Variants in PUDP observed in about 807,000 individuals in gnomAD.
The protein encoded by PUDP is pseudouridine 5'-phosphatase, also known as pseudouridine-5'-phosphatase.
In PUDP, 8 loss-of-function variants were observed where a neutral mutation model predicts 9.4. The observed-to-expected ratio is 0.85, with a 90% confidence interval of 0.50 to 1.53. The LOEUF is 1.53. PUDP is among the 40% of genes most tolerant of loss of function. The pLI is 0.00. For missense variants in PUDP, 188 were observed against 189.7 expected (o/e 0.99, Z 0.05); for synonymous variants, 99 against 80.7 (o/e 1.23, Z -1.22).
intron 3 of PUDP, among the ~76,000 whole-genome samples, chrX:6,955,365 T>C (rs983195351): frequency 9.0e-6 from 1 of 110,726 alleles, no homozygotes; most frequent in Admixed American, 9.7e-5. Context: ...GGACTACAGG[T>C]GCATGCCACC....
At position 6,916,237 on chromosome X, in the gene PUDP, CA is replaced by C. The variant is rs1569122777; in HGVS notation, c.*247+60895del. On this transcript the variant is annotated intron_variant and NMD_transcript_variant, in intron 3 of 3. Coordinates refer to the PUDP transcript ENST00000655425. ...ACACACACACACACACACACACACA[CA>C]CACACACACACCCTGGGGAACTGGT... 5.9e-3 allele frequency among the ~76,000 whole-genome samples: 556 copies of C among 94,571 alleles called. 10 individuals carry two copies. The highest frequency in any genetic ancestry group is 0.023 in the African/African-American group (533 of 22,762). The allele number at this position is 94,571 out of a possible 115,157, so 82.1% of individuals were successfully genotyped here.
intron 1 of PUDP, among the ~76,000 whole-genome samples, chrX:7,032,087 CA>C (rs1166205342): frequency 5.4e-5 from 6 of 111,514 alleles, no homozygotes; most frequent in African/African-American, 2.0e-4. Context: ...AAAAAATGAG[CA>C]AATTATTTGG....
chrX:7,072,813 C>CAA (rs774767127), intron 3 of PUDP, among the ~76,000 whole-genome samples: 1,221 of 32,199 alleles, frequency 0.038, 47 homozygotes, highest in African/African-American at 0.065. Flanking sequence ...GACTGTGTCT[C>CAA]AAAAAAAAAA....
At chrX:6,936,862 G>C (rs1928310846) in intron 3 of PUDP, among the ~76,000 whole-genome samples, 1 of 97,791 alleles carries the variant, frequency 1.0e-5, no homozygotes, top group South Asian at 5.5e-4. Context: ...GCCAAATCAT[G>C]AGTGAACTCC....
chrX:6,744,875 C>T (rs770746680), intron 3 of PUDP, among the ~76,000 whole-genome samples: 1 of 111,610 alleles, frequency 9.0e-6, no homozygotes, highest in Non-Finnish European at 1.9e-5. Flanking sequence ...ATAATAAAAA[C>T]GATCTCAATA....
At chrX:6,804,531 A>G (rs1229537384) in intron 3 of PUDP, among the ~76,000 whole-genome samples, 1 of 112,089 alleles carries the variant, frequency 8.9e-6, no homozygotes, top group African/African-American at 3.2e-5. Flanking sequence ...CAGTCTAACA[A>G]AAGTACTGGA....
chrX:6,777,382 G>T (rs1425313762), intron 3 of PUDP, among the ~76,000 whole-genome samples: 1 of 111,803 alleles, frequency 8.9e-6, no homozygotes, highest in Non-Finnish European at 1.9e-5. Context: ...GCTTTGAAAA[G>T]TTCACTCCCA....
At chrX:7,114,135 C>A (rs763683389) in intron 1 of PUDP, among the ~76,000 whole-genome samples, 3 of 111,297 alleles carry the variant, frequency 2.7e-5, no homozygotes, top group East Asian at 5.7e-4. Flanking sequence ...AGTGCAAAGG[C>A]GTGATCTCAG....
At chrX:6,745,863 C>G (rs1462735832) in intron 3 of PUDP, among the ~76,000 whole-genome samples, 1 of 111,395 alleles carries the variant, frequency 9.0e-6, no homozygotes, top group Admixed American at 9.5e-5. Context: ...AGGCTGGTCA[C>G]AAGCTCCTGG....
At chrX:7,146,834 GGTT>G (rs1333762251) in intron 1 of PUDP, among the ~76,000 whole-genome samples, 2 of 72,222 alleles carry the variant, frequency 2.8e-5, no homozygotes, top group African/African-American at 1.2e-4. Context: ...TGAGCTGCAG[GGTT>G]TTTTTTTTTT....
intron 1 of PUDP, among the ~76,000 whole-genome samples, chrX:6,709,395 T>C (rs1924505755): frequency 8.9e-6 from 1 of 111,749 alleles, no homozygotes; most frequent in Non-Finnish European, 1.9e-5. Flanking sequence ...GTCCTTCCAC[T>C]CCACTCCCCT....
intron 1 of PUDP, among the ~76,000 whole-genome samples, chrX:7,013,702 T>A (rs1265165109): frequency 1.8e-5 from 2 of 112,111 alleles, no homozygotes; most frequent in African/African-American, 6.5e-5. Context: ...TGATGGGAGA[T>A]GGAGCACACA....
intron 1 of PUDP, among the ~76,000 whole-genome samples, chrX:7,143,989 C>A (rs1440525064): frequency 8.9e-6 from 1 of 111,893 alleles, no homozygotes; most frequent in Non-Finnish European, 1.9e-5. Context: ...TGTGAACCTA[C>A]CACCAGAGTT....
intron 3 of PUDP, among the ~76,000 whole-genome samples, chrX:6,817,386 G>A (rs1004316403): frequency 1.8e-5 from 2 of 111,639 alleles, no homozygotes; most frequent in Non-Finnish European, 3.8e-5. Flanking sequence ...AGCCTTTCAA[G>A]TATTTGAAAA....
At chrX:6,892,054 TC>T (rs1320413715) in intron 3 of PUDP, among the ~76,000 whole-genome samples, 5 of 112,116 alleles carry the variant, frequency 4.5e-5, no homozygotes, top group Non-Finnish European at 9.4e-5. Context: ...AATTGAGACT[TC>T]CTGCAATTAG....
intron 3 of PUDP, among the ~76,000 whole-genome samples, chrX:6,864,544 T>C (rs1569113114): frequency 9.0e-6 from 1 of 111,588 alleles, no homozygotes; most frequent in Non-Finnish European, 1.9e-5. Flanking sequence ...CTGCAATACA[T>C]TATCACAAAT....
At chrX:7,104,897 T>A (rs990527892) in intron 2 of PUDP, among the ~76,000 whole-genome samples, 1 of 112,317 alleles carries the variant, frequency 8.9e-6, no homozygotes, top group Non-Finnish European at 1.9e-5. Context: ...ATTACTCACA[T>A]AACTGCTGTT....
At chrX:6,863,894 A>G (rs1927040812) in intron 3 of PUDP, among the ~76,000 whole-genome samples, 1 of 111,658 alleles carries the variant, frequency 9.0e-6, no homozygotes, top group African/African-American at 3.3e-5. Context: ...GGATTTAGGA[A>G]GTTGTCATTC....
intron 1 of PUDP, among the ~76,000 whole-genome samples, chrX:7,115,859 G>A (rs1240344625): frequency 1.8e-5 from 2 of 112,371 alleles, no homozygotes; most frequent in African/African-American, 6.5e-5. Context: ...AGTGAGGAGT[G>A]AGGCCAAACC....
Sources: gnomAD v4.1 joint callset for allele counts (sites outside exome capture counted in the v4.1 genomes callset) on GRCh38, gnomAD v4.1.1 for gene constraint, MANE v1.5 for transcripts, NCBI Gene and HGNC (gene_info 2026-07-23, HGNC 2026-07-21) for gene names.